TCF7: variants seen among roughly 807,000 people sequenced by gnomAD.
TCF7 encodes T-cell-factor-7.
Under a neutral mutation model 46.8 loss-of-function variants are expected in TCF7, and 19 were observed. The ratio of observed to expected loss-of-function variants is 0.41; its 90% CI spans 0.28 to 0.60. TCF7 has a LOEUF of 0.60. Ranked by LOEUF, TCF7 falls within the 20% of genes least tolerant of loss-of-function variation. TCF7 has a pLI of 0.35. For synonymous variants in TCF7, 245 were observed against 213.4 expected (o/e 1.15, Z -1.29); for missense variants, 547 against 504.6 (o/e 1.08, Z -0.81).
chr5:134,119,448 C>T (rs115725815), intron 3 of TCF7, among the ~76,000 whole-genome samples: 2,498 of 152,214 alleles, frequency 0.016, 43 homozygotes, highest in Admixed American at 0.035. Flanking sequence ...TACTAAAAGC[C>T]ACTGAATTAC....
intron 9 of TCF7, chr5:134,144,502 C>T (rs534167415): frequency 9.7e-6 from 4 of 413,588 alleles, no homozygotes; most frequent in African/African-American, 6.1e-5. Context: ...CTCCATGCTG[C>T]AAGGGCCCCA....
chr5:134,133,878 C>T (rs561061231), intron 3 of TCF7, among the ~76,000 whole-genome samples: 78 of 152,344 alleles, frequency 5.1e-4, no homozygotes, highest in South Asian at 1.4e-3. Context: ...CGCAGCACTG[C>T]CCATCACATG....
chr5:134,137,524 G>A (rs1759073932), intron 3 of TCF7, among the ~76,000 whole-genome samples: 1 of 152,092 alleles, frequency 6.6e-6, no homozygotes. Context: ...GATGGCCCTG[G>A]AGGAAGCCAG....
chr5:134,139,439 C>A, intron 5 of TCF7: 1 of 189,132 alleles, frequency 5.3e-6, no homozygotes, highest in Non-Finnish European at 1.1e-5. Context: ...GAGGCTGCTG[C>A]TTCTCAGCTC....
intron 5 of TCF7, chr5:134,141,512 C>T (rs2149348846): frequency 6.6e-6 from 1 of 152,472 alleles, no homozygotes; most frequent in East Asian, 1.9e-4. Context: ...CTTAATGGGC[C>T]AGCTGAGTGA....
chr5:134,138,639 C>A, intron 4 of TCF7: 1 of 339,402 alleles, frequency 2.9e-6, no homozygotes. Context: ...CTGCCTCCTG[C>A]CCAGAAAGCT....
chr5:134,138,852 G>A (rs1005807300), intron 4 of TCF7, 99 bp from the exon 5 acceptor site: 9 of 1,531,446 alleles, frequency 5.9e-6, no homozygotes, highest in African/African-American at 2.8e-5. Context: ...AAAGCTGGTG[G>A]GATCTTAAGG....
At position 134,116,029 on chromosome 5, in the gene TCF7, CG is replaced by C; in HGVS notation, c.438del (p.Leu147CysfsTer52). The part of the protein sequence containing the change: ...GAGQHPQPQP[P>X]LHKANQPPHG... ...GGGCAGCACCCCCAGCCGCAGCCCC[CG>C]CTGGTAAGTGGACCCCGCAGCCAGT... is the stretch of plus-strand genomic sequence containing the variant. On this transcript the variant is annotated frameshift_variant, in exon 3 of 10. Coordinates refer to ENST00000342854, the MANE Select transcript of TCF7 (RefSeq NM_003202.5). LOFTEE classifies it high-confidence loss of function. 1 of 1,611,770 alleles carries C rather than the reference CG, an allele frequency of 6.2e-7. No individual in the cohort carries two copies. Among genetic ancestry groups the C allele is most frequent in the Non-Finnish European group, 8.5e-7 (1 of 1,179,162 alleles).
chr5:134,121,336 C>T (rs531025326), intron 3 of TCF7, among the ~76,000 whole-genome samples: 2 of 151,890 alleles, frequency 1.3e-5, no homozygotes, highest in South Asian at 2.1e-4. Flanking sequence ...GTAATCCCAG[C>T]GCTTTGGGAG....
chr5:134,111,096 C>T (rs1288319785), upstream of TCF7, among the ~76,000 whole-genome samples: 1 of 152,154 alleles, frequency 6.6e-6, no homozygotes, highest in African/African-American at 2.4e-5. Flanking sequence ...GGCAGGCCTG[C>T]GTATGACATC....
chr5:134,116,217 C>T (rs1755821823), intron 3 of TCF7, 184 bp downstream of exon 3: 2 of 1,320,190 alleles, frequency 1.5e-6, no homozygotes, highest in African/African-American at 1.5e-5. Flanking sequence ...AAGGAGGGGC[C>T]GCCCTGGGGC....
At chr5:134,143,236 G>A (rs1316026095) in intron 8 of TCF7, 136 bp downstream of exon 8, 2 of 894,384 alleles carry the variant, frequency 2.2e-6, no homozygotes, top group African/African-American at 3.3e-5. Context: ...AGGGTCCAAG[G>A]CCTCCCATGG....
chr5:134,142,958 T>C, intron 7 of TCF7, 35 bp from the exon 8 acceptor site: 2 of 1,613,002 alleles, frequency 1.2e-6, no homozygotes, highest in East Asian at 2.2e-5. Context: ...GCTGACTCCC[T>C]GATGCACCCC....
upstream of TCF7, among the ~76,000 whole-genome samples, chr5:134,110,617 G>T (rs986083648): frequency 6.6e-6 from 1 of 152,266 alleles, no homozygotes; most frequent in African/African-American, 2.4e-5. Flanking sequence ...TCCATGGGAA[G>T]TGCTCCTGCC....
intron 3 of TCF7, among the ~76,000 whole-genome samples, chr5:134,123,364 G>A (rs960647830): frequency 6.6e-6 from 1 of 152,230 alleles, no homozygotes; most frequent in Non-Finnish European, 1.5e-5. Context: ...AGCATGTGGC[G>A]GGCTCCCTCT....
At position 134,143,119 on chromosome 5, in the gene TCF7, A is replaced by G; in HGVS notation, c.1026+19A>G. On this transcript the variant is annotated intron_variant, in intron 8 of 9. Transcript: ENST00000342854. ...CAACTACGTGAGTGCCTAGTGACAC[A>G]CAGCAGGGGTGGGCAGGGGACCCTT... 2 of 1,588,698 alleles carry G rather than the reference A, an allele frequency of 1.3e-6. No homozygotes were observed. The highest frequency in any genetic ancestry group is 1.7e-6 in the Non-Finnish European group (2 of 1,167,486).
In TCF7 at chr5:134,146,750, T is replaced by C. The variant is rs996365000; in HGVS notation, c.*447T>C. On this transcript the variant is annotated 3_prime_UTR_variant, in exon 10 of 10. Coordinates refer to ENST00000342854, the MANE Select transcript of TCF7 (RefSeq NM_003202.5). Reference sequence around the variant, plus strand: ...TGTGTCATCTAATTAAGGGAATCCCTTGTACCTATGGCTGCCTGCATCTAT... The same window carrying C: ...TGTGTCATCTAATTAAGGGAATCCCCTGTACCTATGGCTGCCTGCATCTAT... 8.8e-6 allele frequency: 5 copies of C among 568,944 alleles called. No individual in the cohort carries two copies. The highest frequency in any genetic ancestry group is 9.3e-6 in the Non-Finnish European group (3 of 323,926). 35.2% of individuals were successfully genotyped at this position (568,944 alleles called of 1,614,324 possible).
chr5:134,114,983 T>C lies in TCF7; in HGVS notation c.77T>C (p.Phe26Ser). 2 of 1,216,558 alleles carry C rather than the reference T, an allele frequency of 1.6e-6. No individual in the cohort carries two copies. The highest frequency in any genetic ancestry group is 2.1e-6 in the Non-Finnish European group (2 of 953,182). 75.4% of individuals were successfully genotyped at this position (1,216,558 alleles called of 1,614,324 possible). ...GGCGCGCCGGACGAGCTGCTGGCCT[T>C]CCAGGATGAAGGCGAGGAGCAGGAC... ...DLGAPDELLA[F>S]QDEGEEQDDK... Residue 26 changes from phenylalanine (F) to serine (S), a missense_variant, in exon 1 of 10, where the codon TTC becomes TCC. Phe to Ser is a radical substitution (Grantham distance 155, BLOSUM62 -2). Around this residue, in one of 3 missense-constraint regions of TCF7, gnomAD observed 425 missense variants for 349.9 expected, o/e 1.21. Transcript: ENST00000342854.
upstream of TCF7, among the ~76,000 whole-genome samples, chr5:134,113,565 G>A (rs748765364): frequency 6.6e-5 from 10 of 152,360 alleles, no homozygotes; most frequent in South Asian, 1.2e-3. Context: ...GCTCTCAGAA[G>A]AGGCGTGAGC....
Sources: allele counts gnomAD v4.1 joint callset (sites outside exome capture counted in the v4.1 genomes callset), GRCh38; gene constraint gnomAD v4.1.1; regional missense constraint gnomAD v4.1.1; transcripts MANE v1.5; gene names NCBI Gene and HGNC (gene_info 2026-07-23, HGNC 2026-07-21).